Variants in TRIO observed in about 807,000 individuals in gnomAD.
The protein encoded by TRIO is trio Rho guanine nucleotide exchange factor, also known as triple functional domain protein.
In TRIO, 58 loss-of-function variants were observed where a neutral mutation model predicts 351.9. That is an observed-to-expected ratio of 0.16 (90% confidence interval 0.13 to 0.21). The LOEUF is 0.21. Ranked by LOEUF, TRIO falls within the 10% of genes least tolerant of loss-of-function variation. The probability of loss-of-function intolerance (pLI) is 1.00; values close to 1 mark genes in which losing one functional copy is unlikely to be tolerated. For missense variants in TRIO, 3,201 were observed against 4,027.8 expected (o/e 0.79, Z 5.56); for synonymous variants, 1,758 against 1,595.7 (o/e 1.10, Z -2.42).
chr5:14,507,321 C>T lies in TRIO; in HGVS notation c.8751+61C>T. The T allele has an allele frequency of 2.5e-6, 4 of 1,591,168 alleles. No homozygotes were observed. In the Admixed American group the frequency reaches 5.4e-5, roughly 22 times the overall value. ...AGCACACCGGCTTGGCCATGCGGGA[C>T]ACAGAGCCCCCTCTGAAGCCAGGCC... On this transcript the variant is annotated intron_variant, in intron 56 of 56. Transcript: ENST00000344204.
intron 26 of TRIO, 107 bp downstream of exon 26, chr5:14,390,407 C>G: frequency 9.9e-7 from 1 of 1,011,518 alleles, no homozygotes; most frequent in Non-Finnish European, 1.5e-6. Flanking sequence ...CTGCTCATAT[C>G]CATGCTTGCG....
At chr5:14,353,851 G>A (rs1326778892) in intron 11 of TRIO, among the ~76,000 whole-genome samples, 2 of 152,252 alleles carry the variant, frequency 1.3e-5, no homozygotes, top group African/African-American at 4.8e-5. Context: ...CATCCGGCCA[G>A]TTCTGAGTCA....
At chr5:14,440,827 A>G (rs1751971409) in intron 34 of TRIO, 1 of 152,202 alleles carries the variant, frequency 6.6e-6, no homozygotes, top group South Asian at 2.1e-4. Flanking sequence ...TGGGGAGGGC[A>G]ACTGTCACTT....
chr5:14,340,413 A>C (rs80020397), intron 11 of TRIO, among the ~76,000 whole-genome samples: 1 of 150,210 alleles, frequency 6.7e-6, no homozygotes, highest in Non-Finnish European at 1.5e-5. Flanking sequence ...AAAAAAAAAA[A>C]AGAAAAAGTA....
chr5:14,378,596 G>A (rs1430182645), intron 20 of TRIO, among the ~76,000 whole-genome samples: 1 of 148,066 alleles, frequency 6.8e-6, no homozygotes, highest in African/African-American at 2.5e-5. Flanking sequence ...TTTTGCTCTT[G>A]TTGTCCAGGC....
At chr5:14,485,030 C>T (rs751279608) in intron 46 of TRIO, 39 bp from the exon 47 acceptor site, 5 of 1,496,358 alleles carry the variant, frequency 3.3e-6, no homozygotes, top group Non-Finnish European at 4.5e-6. Flanking sequence ...TTCCTTTCCA[C>T]CTGTTAGCTA....
At chr5:14,200,674 G>A (rs1431150041) in intron 1 of TRIO, among the ~76,000 whole-genome samples, 1 of 152,208 alleles carries the variant, frequency 6.6e-6, no homozygotes, top group Non-Finnish European at 1.5e-5. Flanking sequence ...GGTGAAGGTA[G>A]ATATAAGTGC....
At chr5:14,176,522 C>T (rs1023909162) in intron 1 of TRIO, among the ~76,000 whole-genome samples, 1 of 152,152 alleles carries the variant, frequency 6.6e-6, no homozygotes, top group Non-Finnish European at 1.5e-5. Flanking sequence ...GGCACAGTCA[C>T]TGCTCACTGC....
intron 34 of TRIO, among the ~76,000 whole-genome samples, chr5:14,430,164 T>C (rs942107310): frequency 6.7e-6 from 1 of 150,360 alleles, no homozygotes; most frequent in South Asian, 2.1e-4. Context: ...TATAAAACTT[T>C]GCGTGTAATG....
At chr5:14,172,027 A>G (rs548723022) in intron 1 of TRIO, among the ~76,000 whole-genome samples, 5 of 152,214 alleles carry the variant, frequency 3.3e-5, no homozygotes, top group African/African-American at 9.7e-5. Flanking sequence ...TGAGTAGTGC[A>G]TTGAGCATCT....
chr5:14,222,896 C>A (rs569230442), intron 1 of TRIO, among the ~76,000 whole-genome samples: 1 of 152,326 alleles, frequency 6.6e-6, no homozygotes, highest in Non-Finnish European at 1.5e-5. Context: ...GCCCTTCCTA[C>A]TTGGAGAGAA....
intron 9 of TRIO, among the ~76,000 whole-genome samples, chr5:14,327,914 T>G (rs907492288): frequency 6.6e-6 from 1 of 152,234 alleles, no homozygotes; most frequent in Non-Finnish European, 1.5e-5. Flanking sequence ...TTTTATAATA[T>G]AAAAGACTGT....
At chr5:14,322,881 G>C (rs1187817912) in intron 9 of TRIO, among the ~76,000 whole-genome samples, 1 of 152,200 alleles carries the variant, frequency 6.6e-6, no homozygotes, top group African/African-American at 2.4e-5. Context: ...GCACAGGCTT[G>C]GTTTTGGATT....
At chr5:14,417,877 C>T (rs1442438819) in intron 33 of TRIO, among the ~76,000 whole-genome samples, 1 of 152,176 alleles carries the variant, frequency 6.6e-6, no homozygotes, top group African/African-American at 2.4e-5. Flanking sequence ...GAGCACAGTG[C>T]GAGGCAGGCT....
At position 14,280,492 on chromosome 5, in the gene TRIO, C is replaced by T. The variant is rs551569648; in HGVS notation, c.347+56C>T. ...GATGTCACATTTACAAGAGATGTGG[C>T]GCTATACTCGTTAGAAATCAGCTAA... On this transcript the variant is annotated intron_variant, in intron 3 of 56. Coordinates refer to ENST00000344204, the MANE Select transcript of TRIO (RefSeq NM_007118.4). The T allele has an allele frequency of 7.6e-6, 11 of 1,452,762 alleles. No individual in the cohort carries two copies. The Middle Eastern group carries it at 5.2e-4, about 69-fold the overall frequency. 90.0% of individuals were successfully genotyped at this position (1,452,762 alleles called of 1,614,324 possible).
chr5:14,239,032 C>T lies in TRIO; in HGVS notation c.158-31793C>T, dbSNP rs577448996. The stretch of plus-strand genomic sequence containing the variant: ...GCTGTTGGACTTATTTTTCCATACA[C>T]GATGGTAAGAGGTGACGTATAACCT... On this transcript the variant is annotated intron_variant, in intron 1 of 56. Transcript: ENST00000344204. 8.5e-5 allele frequency among the ~76,000 whole-genome samples: 13 copies of T among 152,254 alleles called. No homozygotes were observed. In the East Asian group the frequency reaches 1.9e-3, roughly 23 times the overall value.
chr5:14,197,359 C>G (rs934651835), intron 1 of TRIO, among the ~76,000 whole-genome samples: 1 of 152,192 alleles, frequency 6.6e-6, no homozygotes, highest in African/African-American at 2.4e-5. Context: ...GAGCCTTTCT[C>G]ACAGCAGGAG....
chr5:14,219,615 C>T (rs374918355), intron 1 of TRIO, among the ~76,000 whole-genome samples: 1 of 152,274 alleles, frequency 6.6e-6, no homozygotes. Flanking sequence ...CTGCGGGTGG[C>T]AACCTGGGCC....
intron 11 of TRIO, among the ~76,000 whole-genome samples, chr5:14,356,512 C>A (rs942093626): frequency 6.6e-6 from 1 of 152,224 alleles, no homozygotes; most frequent in Non-Finnish European, 1.5e-5. Flanking sequence ...TTGAAACTCT[C>A]ATACGCTGCT....
Sources: gnomAD v4.1 joint callset for allele counts (sites outside exome capture counted in the v4.1 genomes callset) on GRCh38, gnomAD v4.1.1 for gene constraint, MANE v1.5 for transcripts, NCBI Gene and HGNC (gene_info 2026-07-23, HGNC 2026-07-21) for gene names.